KLF4: variants seen among roughly 807,000 people sequenced by gnomAD.
The protein encoded by KLF4 is Krueppel-like factor 4.
A neutral mutation model predicts 38.0 loss-of-function variants in KLF4; 14 were observed. That is an observed-to-expected ratio of 0.37 (90% confidence interval 0.24 to 0.58). The LOEUF (loss-of-function observed/expected upper bound fraction) is 0.58, where lower values mean the gene tolerates loss of function less well. Ranked by LOEUF, KLF4 falls within the 20% of genes least tolerant of loss-of-function variation. The pLI is 0.76. For missense variants in KLF4, 737 were observed against 670.1 expected (o/e 1.10, Z -1.10); for synonymous variants, 398 against 302.5 (o/e 1.32, Z -3.28).
Position 107,489,064 on chromosome 9 carries a change from A to G in KLF4, c.6-14T>C. On this transcript the variant is annotated splice_polypyrimidine_tract_variant and intron_variant, in intron 1 of 4. Coordinates refer to ENST00000374672, the MANE Select transcript of KLF4 (RefSeq NM_004235.6). ...CCAGGTGGCTGCCTGCGAGCAAGGCAGGGAGCGGAGACAGGAGAGTCAGGG... is the reference window on the plus strand; with the variant it reads ...CCAGGTGGCTGCCTGCGAGCAAGGCGGGGAGCGGAGACAGGAGAGTCAGGG... The G allele has an allele frequency of 1.9e-6, 3 of 1,552,950 alleles. No individual in the cohort carries two copies. Among genetic ancestry groups the G allele is most frequent in the Non-Finnish European group, 2.6e-6 (3 of 1,147,726 alleles).
In KLF4 at chr9:107,485,961, T is replaced by C. The variant is rs1227503272; in HGVS notation, c.1265-35A>G. ...TAAAAGAAAAAAAAAATTGACGCTA[T>C]TGCTATATCAAAGAATCGCCCCTTT... On this transcript the variant is annotated intron_variant, in intron 4 of 4. Coordinates refer to ENST00000374672, the MANE Select transcript of KLF4 (RefSeq NM_004235.6). This position sits in a 1 kb window ranked among gnomAD's most constrained non-coding sequence, Gnocchi z 4.9. 1 of 1,586,782 alleles carries C rather than the reference T, an allele frequency of 6.3e-7. No individual in the cohort carries two copies. Among genetic ancestry groups the C allele is most frequent in the Non-Finnish European group, 8.6e-7 (1 of 1,168,582 alleles).
Position 107,488,334 on chromosome 9 carries a change from G to A in KLF4, c.127-67C>T. The stretch of plus-strand genomic sequence containing the variant: ...CTGTTGCCACCCGACATACTGACGT[G>A]CTGGCGGGCCACGCGCGACTGCACC... On this transcript the variant is annotated intron_variant, in intron 2 of 4. Transcript: ENST00000374672. This position sits in a 1 kb window ranked among gnomAD's most constrained non-coding sequence, Gnocchi z 5.7. The A allele has an allele frequency of 6.8e-7, 1 of 1,473,926 alleles. No individual in the cohort carries two copies. Among genetic ancestry groups the A allele is most frequent in the South Asian group, 1.4e-5 (1 of 73,300 alleles). The allele number at this position is 1,473,926 out of a possible 1,614,324, so 91.3% of individuals were successfully genotyped here.
intron 4 of KLF4, among the ~76,000 whole-genome samples, chr9:107,486,269 G>T (rs1336111223): frequency 6.6e-6 from 1 of 152,128 alleles, no homozygotes; most frequent in Admixed American, 6.5e-5. Flanking sequence ...TTTGGAAATT[G>T]TGATTGGTAG....
chr9:107,485,165 T>C lies in KLF4; in HGVS notation c.*586A>G, dbSNP rs576923009. The C allele has an allele frequency of 2.5e-5, 5 of 199,374 alleles. No homozygotes were observed. The highest frequency in any genetic ancestry group is 9.2e-5 in the African/African-American group (4 of 43,636). 12.4% of individuals were successfully genotyped at this position (199,374 alleles called of 1,614,324 possible). ...TATTACCTGACTTAGGTCATAAATG[T>C]TGATCGGAAGACAAATATAGATTTT... is the stretch of plus-strand genomic sequence containing the variant. On this transcript the variant is annotated 3_prime_UTR_variant, in exon 5 of 5. Coordinates refer to ENST00000374672, the MANE Select transcript of KLF4 (RefSeq NM_004235.6). This position sits in a 1 kb window ranked among gnomAD's most constrained non-coding sequence, Gnocchi z 4.9.
At chr9:107,486,891 G>A (rs1420863205) in intron 4 of KLF4, 137 bp downstream of exon 4, 3 of 1,529,310 alleles carry the variant, frequency 2.0e-6, no homozygotes, top group African/African-American at 2.7e-5. Context: ...AAGCCAAGGA[G>A]GCACTGAGGA....
At position 107,485,555 on chromosome 9, in the gene KLF4, C is replaced by T; in HGVS notation, c.*196G>A. The T allele has an allele frequency of 1.9e-6, 1 of 526,278 alleles. No individual in the cohort carries two copies. Among genetic ancestry groups the T allele is most frequent in the Non-Finnish European group, 3.3e-6 (1 of 306,028 alleles). The allele number at this position is 526,278 out of a possible 1,614,324, so 32.6% of individuals were successfully genotyped here. The stretch of plus-strand genomic sequence containing the variant: ...TGATAGAAGATCCAGTCACAGACCC[C>T]ATCTGTTCTTTGATTTTTGTCTTTT... On this transcript the variant is annotated 3_prime_UTR_variant, in exon 5 of 5. Coordinates refer to ENST00000374672, the MANE Select transcript of KLF4 (RefSeq NM_004235.6). This position sits in a 1 kb window ranked among gnomAD's most constrained non-coding sequence, Gnocchi z 4.9.
rs1829047903 is a variant in KLF4, at chr9:107,485,696, G to A, written c.*55C>T. The A allele has an allele frequency of 6.8e-7, 1 of 1,477,392 alleles. No homozygotes were observed. 91.5% of individuals were successfully genotyped at this position (1,477,392 alleles called of 1,614,324 possible). A position where few individuals can be genotyped will look rare whatever the true frequency, so the allele number is the denominator to read the frequency against. On this transcript the variant is annotated 3_prime_UTR_variant, in exon 5 of 5. Transcript: ENST00000374672. This position sits in a 1 kb window ranked among gnomAD's most constrained non-coding sequence, Gnocchi z 4.9. ...CCTCATCGGGAAGACAGTGTGAAAA[G>A]TAAAAAATACTGAATTCTCTTCTGG...
At chr9:107,486,973 G>A (rs1302000694) in intron 4 of KLF4, 55 bp downstream of exon 4, 1 of 1,613,788 alleles carries the variant, frequency 6.2e-7, no homozygotes, top group Admixed American at 1.7e-5. Context: ...GTGTCCACTG[G>A]TAGCCTATGG....
chr9:107,488,492 A>C lies in KLF4; in HGVS notation c.127-225T>G. The C allele has an allele frequency of 4.0e-6, 3 of 758,244 alleles. No individual in the cohort carries two copies. The highest frequency in any genetic ancestry group is 6.0e-6 in the Non-Finnish European group (3 of 497,756). 47.0% of individuals were successfully genotyped at this position (758,244 alleles called of 1,614,324 possible). ...GCGGGTGTTATGTCCTGTCTGCCCA[A>C]TTGCGTGTGAGCGAGCGCCGCGGCT... On this transcript the variant is annotated intron_variant, in intron 2 of 4. Transcript: ENST00000374672. This position sits in a 1 kb window ranked among gnomAD's most constrained non-coding sequence, Gnocchi z 5.7.
At chr9:107,486,369 T>C (rs1829063341) in intron 4 of KLF4, among the ~76,000 whole-genome samples, 1 of 152,098 alleles carries the variant, frequency 6.6e-6, no homozygotes, top group African/African-American at 2.4e-5. Context: ...TTTACGTTAC[T>C]GAATGCTGCA....
Position 107,487,817 on chromosome 9 carries a change from C to G in KLF4, c.577G>C (p.Val193Leu), listed in dbSNP as rs751553808. Reference sequence around the variant, plus strand: ...GCCACGAAGCCGCCCGAGGGGCTCACGTCGTTGATGTCCGCCAGGTTGAAG... The same window carrying G: ...GCCACGAAGCCGCCCGAGGGGCTCAGGTCGTTGATGTCCGCCAGGTTGAAG... ...APFNLADIND[V>L]SPSGGFVAEL... Residue 193 changes from valine (V) to leucine (L), a missense_variant, in exon 3 of 5, where the codon GTG becomes CTG. This residue lies in a region of KLF4 where 695 missense variants were observed against 554.5 expected (regional missense o/e 1.25). Coordinates refer to ENST00000374672, the MANE Select transcript of KLF4 (RefSeq NM_004235.6). This position sits in a 1 kb window ranked among gnomAD's most constrained non-coding sequence, Gnocchi z 6.1. 1.1e-4 allele frequency: 175 copies of G among 1,530,700 alleles called. No homozygotes were observed. Among genetic ancestry groups the G allele is most frequent in the Non-Finnish European group, 1.5e-4 (167 of 1,136,198 alleles). The allele number at this position is 1,530,700 out of a possible 1,614,324, so 94.8% of individuals were successfully genotyped here.
chr9:107,489,179 G>A lies in KLF4; in HGVS notation c.-7C>T. The A allele has an allele frequency of 1.3e-6, 2 of 1,513,092 alleles. No homozygotes were observed. The highest frequency in any genetic ancestry group is 1.8e-6 in the Non-Finnish European group (2 of 1,126,790). The allele number at this position is 1,513,092 out of a possible 1,614,324, so 93.7% of individuals were successfully genotyped here. A position where few individuals can be genotyped will look rare whatever the true frequency, so the allele number is the denominator to read the frequency against. ...CGCGCCTCACCTACCTCATTAATGTGGGGGCCCAGAAGGTCCTCGGCAGCC... is the reference window on the plus strand; with the variant it reads ...CGCGCCTCACCTACCTCATTAATGTAGGGGCCCAGAAGGTCCTCGGCAGCC... On this transcript the variant is annotated 5_prime_UTR_variant, in exon 1 of 5. Transcript: ENST00000374672.
chr9:107,487,947 G>C lies in KLF4; in HGVS notation c.447C>G (p.Ser149Arg). 5 of 1,583,112 alleles carry C rather than the reference G, an allele frequency of 3.2e-6. No individual in the cohort carries two copies. Among genetic ancestry groups the C allele is most frequent in the Non-Finnish European group, 4.3e-6 (5 of 1,165,442 alleles). ...TCCCGGCCCGGATCGGATAGGTGAA[G>C]CTGCAGGTGGAGGGCGCGCTGGCAG... ...SGPASAPSTC[S>R]FTYPIRAGND... Residue 149 changes from serine to arginine, a missense_variant, in exon 3 of 5, where the codon AGC (serine) becomes AGG (arginine). Coordinates refer to ENST00000374672, the MANE Select transcript of KLF4 (RefSeq NM_004235.6). This position sits in a 1 kb window ranked among gnomAD's most constrained non-coding sequence, Gnocchi z 6.1.
Position 107,487,415 on chromosome 9 carries a change from T to C in KLF4, c.979A>G (p.Ser327Gly), listed in dbSNP as rs1384094639. The change falls in exon 3 of 5, where the codon AGC (serine) becomes GGC (glycine). Residue 327 changes from serine (S) to glycine (G), a missense_variant. Transcript: ENST00000374672. This position sits in a 1 kb window ranked among gnomAD's most constrained non-coding sequence, Gnocchi z 6.1. ...PTLGLEEVLS[S>G]RDCHPALPLP... ...GGCAGGGCAGGGTGACAGTCCCTGC[T>C]GCTCAGCACTTCCTCAAGACCCAGG... The C allele has an allele frequency of 7.9e-6, 12 of 1,517,844 alleles. No individual in the cohort carries two copies. Among genetic ancestry groups the C allele is most frequent in the Non-Finnish European group, 1.1e-5 (12 of 1,134,760 alleles). 94.0% of individuals were successfully genotyped at this position (1,517,844 alleles called of 1,614,324 possible).
In KLF4 at chr9:107,489,537, C is replaced by T. The variant is rs1829156552; in HGVS notation, c.-365G>A. Reference sequence around the variant, plus strand: ...GGGCGGGCGGTGCCGCCAGGTGAGACTGGCTGCCGTGGCGCGGAGCTGCGA... The same window carrying T: ...GGGCGGGCGGTGCCGCCAGGTGAGATTGGCTGCCGTGGCGCGGAGCTGCGA... On this transcript the variant is annotated 5_prime_UTR_variant, in exon 1 of 5. Transcript: ENST00000374672. 3.8e-6 allele frequency: 1 copy of T among 262,608 alleles called. No individual in the cohort carries two copies. The highest frequency in any genetic ancestry group is 7.2e-6 in the Non-Finnish European group (1 of 139,314). The allele number at this position is 262,608 out of a possible 1,614,324, so 16.3% of individuals were successfully genotyped here. A position where few individuals can be genotyped will look rare whatever the true frequency, so the allele number is the denominator to read the frequency against.
Position 107,485,970 on chromosome 9 carries a change from C to A in KLF4, c.1265-44G>T. 1 of 1,567,740 alleles carries A rather than the reference C, an allele frequency of 6.4e-7. No homozygotes were observed. The highest frequency in any genetic ancestry group is 8.6e-7 in the Non-Finnish European group (1 of 1,156,418). On this transcript the variant is annotated intron_variant, in intron 4 of 4. Coordinates refer to ENST00000374672, the MANE Select transcript of KLF4 (RefSeq NM_004235.6). The surrounding 1 kb of genome is among the most constrained non-coding windows in gnomAD (Gnocchi z 4.9). ...AAAAAAATTGACGCTATTGCTATATCAAAGAATCGCCCCTTTTAAAAACTG... is the reference window on the plus strand; with the variant it reads ...AAAAAAATTGACGCTATTGCTATATAAAAGAATCGCCCCTTTTAAAAACTG...
rs775735430 is a variant in KLF4 at position 107,488,236 on chromosome 9, C to A, written c.158G>T (p.Arg53Leu). 2 of 1,609,862 alleles carry A rather than the reference C, an allele frequency of 1.2e-6. No homozygotes were observed. The highest frequency in any genetic ancestry group is 1.7e-6 in the Non-Finnish European group (2 of 1,178,958). Residue 53 changes from arginine to leucine, a missense_variant, in exon 3 of 5, where the codon CGA (arginine) becomes CTA (leucine). By Grantham distance (102) the Arg-to-Leu change is moderately radical. This residue lies in a region of KLF4 where 695 missense variants were observed against 554.5 expected (regional missense o/e 1.25). Transcript: ENST00000374672. This position sits in a 1 kb window ranked among gnomAD's most constrained non-coding sequence, Gnocchi z 5.7. ...GCGGCCGGGAAGCACTGGGGGAAGT[C>A]GCTTCATGTGGGAGAGCTCCTCCCG... ...RWREELSHMK[R>L]LPPVLPGRPY...
chr9:107,488,326 A>G lies in KLF4; in HGVS notation c.127-59T>C. 1 of 1,484,908 alleles carries G rather than the reference A, an allele frequency of 6.7e-7. No homozygotes were observed. Among genetic ancestry groups the G allele is most frequent in the Admixed American group, 2.3e-5 (1 of 43,726 alleles). The allele number at this position is 1,484,908 out of a possible 1,614,324, so 92.0% of individuals were successfully genotyped here. The stretch of plus-strand genomic sequence containing the variant: ...GTGGTCCCCTGTTGCCACCCGACAT[A>G]CTGACGTGCTGGCGGGCCACGCGCG... On this transcript the variant is annotated intron_variant, in intron 2 of 4. Coordinates refer to ENST00000374672, the MANE Select transcript of KLF4 (RefSeq NM_004235.6). The surrounding 1 kb of genome is among the most constrained non-coding windows in gnomAD (Gnocchi z 5.7).
intron 4 of KLF4, 143 bp from the exon 5 acceptor site, chr9:107,486,069 G>A (rs1275708945): frequency 1.5e-6 from 1 of 682,146 alleles, no homozygotes; most frequent in Non-Finnish European, 2.4e-6. Flanking sequence ...CTGAAGGGGT[G>A]TATTGAATTC....
Sources: allele counts gnomAD v4.1 joint callset (sites outside exome capture counted in the v4.1 genomes callset), GRCh38; gene constraint gnomAD v4.1.1; regional missense constraint gnomAD v4.1.1; non-coding constraint Gnocchi (gnomAD v3.1); transcripts MANE v1.5; gene names NCBI Gene and HGNC (gene_info 2026-07-23, HGNC 2026-07-21).